Variants in POU6F2 observed in about 807,000 individuals in gnomAD.
POU6F2 encodes POU domain, class 6, transcription factor 2.
POU6F2 carries 31 observed loss-of-function variants against 71.3 expected under a neutral mutation model. The ratio of observed to expected loss-of-function variants is 0.43; its 90% CI spans 0.33 to 0.59. POU6F2 has a LOEUF of 0.59. Among genes scored for constraint, POU6F2 ranks in the 20% least tolerant of loss-of-function variants. The probability of loss-of-function intolerance (pLI) is 0.04; values close to 1 mark genes in which losing one functional copy is unlikely to be tolerated. For synonymous variants in POU6F2, 347 were observed against 355.7 expected, an observed-to-expected ratio of 0.98 and a Z score of 0.27; for missense variants, 783 against 856.8, an observed-to-expected ratio of 0.91 and a Z score of 1.07.
At chr7:39,116,717 C>T (rs905999941) in intron 2 of POU6F2, among the ~76,000 whole-genome samples, 1 of 152,074 alleles carries the variant, frequency 6.6e-6, no homozygotes, top group African/African-American at 2.4e-5. Flanking sequence ...AACCTTCTTC[C>T]TCTTCTCTAT....
intron 5 of POU6F2, among the ~76,000 whole-genome samples, chr7:39,354,732 A>T (rs1786217602): frequency 6.6e-6 from 1 of 152,370 alleles, no homozygotes; most frequent in South Asian, 2.1e-4. Flanking sequence ...TAGCCATTTC[A>T]TTAGGAATTC....
At chr7:39,412,310 C>G (rs1787566137) in intron 6 of POU6F2, among the ~76,000 whole-genome samples, 1 of 152,086 alleles carries the variant, frequency 6.6e-6, no homozygotes, top group Non-Finnish European at 1.5e-5. Flanking sequence ...CTGTGGGTTG[C>G]TAAAGTAATT....
chr7:39,009,689 T>C (rs1245282089), intron 1 of POU6F2, among the ~76,000 whole-genome samples: 9 of 152,154 alleles, frequency 5.9e-5, no homozygotes, highest in Non-Finnish European at 1.2e-4. Context: ...TATTTTGAAA[T>C]ACGTCCCATC....
At chr7:39,035,418 G>A (rs948416665) in intron 1 of POU6F2, among the ~76,000 whole-genome samples, 12 of 152,206 alleles carry the variant, frequency 7.9e-5, no homozygotes, top group African/African-American at 2.9e-4. Flanking sequence ...TTTTCTGTTT[G>A]GAGGAGAAGG....
chr7:39,107,340 C>T (rs1168869272), intron 2 of POU6F2, among the ~76,000 whole-genome samples: 1 of 152,066 alleles, frequency 6.6e-6, no homozygotes, highest in African/African-American at 2.4e-5. Context: ...CCACTGTGCC[C>T]ACCTTCTTAT....
chr7:39,418,968 T>TCAC (rs1787756764), intron 6 of POU6F2, among the ~76,000 whole-genome samples: 1 of 120,586 alleles, frequency 8.3e-6, no homozygotes, highest in Non-Finnish European at 1.7e-5. Context: ...TATATATGTG[T>TCAC]ATATATGTAT....
intron 2 of POU6F2, among the ~76,000 whole-genome samples, chr7:39,192,077 C>G (rs537323915): frequency 6.6e-6 from 1 of 152,160 alleles, no homozygotes; most frequent in African/African-American, 2.4e-5. Flanking sequence ...GTGAGTTGTG[C>G]GACATCTTTC....
intron 7 of POU6F2, among the ~76,000 whole-genome samples, chr7:39,442,462 C>T (rs900024139): frequency 6.6e-6 from 1 of 152,174 alleles, no homozygotes; most frequent in South Asian, 2.1e-4. Context: ...TCTTCTCACT[C>T]AAAATCTAAA....
chr7:39,447,695 AG>A (rs1554283686), intron 7 of POU6F2, among the ~76,000 whole-genome samples: 7 of 152,198 alleles, frequency 4.6e-5, no homozygotes, highest in Admixed American at 1.3e-4. Flanking sequence ...GAAGCATCTA[AG>A]TTTCCCTTTC....
chr7:39,043,030 C>A (rs554022981), intron 1 of POU6F2, among the ~76,000 whole-genome samples: 30 of 152,044 alleles, frequency 2.0e-4, no homozygotes, highest in African/African-American at 7.0e-4. Flanking sequence ...TGTGTATGTT[C>A]TCTGTAAGTT....
intron 1 of POU6F2, among the ~76,000 whole-genome samples, chr7:39,030,441 A>G (rs914771342): frequency 7.1e-6 from 1 of 140,328 alleles, no homozygotes; most frequent in African/African-American, 2.6e-5. Flanking sequence ...CTGATTATTT[A>G]TTAGCTTTTT....
chr7:39,317,936 CTCTT>C (rs532949859), intron 4 of POU6F2, among the ~76,000 whole-genome samples: 1 of 152,186 alleles, frequency 6.6e-6, no homozygotes, highest in Non-Finnish European at 1.5e-5. Flanking sequence ...TTACTAGTCA[CTCTT>C]TCACTGTGGT....
At chr7:39,115,435 A>G (rs1791909016) in intron 2 of POU6F2, among the ~76,000 whole-genome samples, 1 of 152,044 alleles carries the variant, frequency 6.6e-6, no homozygotes, top group South Asian at 2.1e-4. Flanking sequence ...AACAAGGTTG[A>G]CTTCTCTCAG....
chr7:39,458,957 GTC>G (rs758101047), intron 8 of POU6F2, among the ~76,000 whole-genome samples: 33 of 152,184 alleles, frequency 2.2e-4, no homozygotes, highest in Middle Eastern at 6.8e-3. Context: ...CCACTCTCCT[GTC>G]TCTGCACACC....
In POU6F2 at chr7:39,277,930, G is replaced by A. The variant is rs558787061; in HGVS notation, c.599-61712G>A. On this transcript the variant is annotated intron_variant, in intron 4 of 9. Coordinates refer to ENST00000518318, the MANE Select transcript of POU6F2 (RefSeq NM_001370959.1). ...AAATTACCTGGGTGTGGTGGCACGC[G>A]CCTGTAGTCCCAGCTACTTGGGAGG... Among the ~76,000 whole-genome samples the A allele has an allele frequency of 5.4e-4, 82 of 152,132 alleles. 1 individual carries two copies. The South Asian group carries it at 0.013, about 24-fold the overall frequency.
chr7:39,240,539 A>G (rs904534797), intron 4 of POU6F2, among the ~76,000 whole-genome samples: 1 of 152,094 alleles, frequency 6.6e-6, no homozygotes, highest in African/African-American at 2.4e-5. Flanking sequence ...GTTCCTACCA[A>G]TCAACTCAAA....
intron 4 of POU6F2, among the ~76,000 whole-genome samples, chr7:39,312,637 G>C (rs533552095): frequency 6.6e-6 from 1 of 152,312 alleles, no homozygotes; most frequent in East Asian, 1.9e-4. Context: ...TTCACTTCAA[G>C]TGAGCACTTC....
At chr7:39,394,217 T>C (rs567119236) in intron 5 of POU6F2, among the ~76,000 whole-genome samples, 1 of 152,240 alleles carries the variant, frequency 6.6e-6, no homozygotes, top group South Asian at 2.1e-4. Flanking sequence ...CATCTGTCTA[T>C]GTAGTTTTTT....
At chr7:39,239,024 G>A (rs1794727331) in intron 4 of POU6F2, among the ~76,000 whole-genome samples, 1 of 152,122 alleles carries the variant, frequency 6.6e-6, no homozygotes, top group South Asian at 2.1e-4. Flanking sequence ...GGCTGTTGAA[G>A]CATTCTATAC....
Sources: gnomAD v4.1 joint callset for allele counts (sites outside exome capture counted in the v4.1 genomes callset) on GRCh38, gnomAD v4.1.1 for gene constraint, MANE v1.5 for transcripts, NCBI Gene and HGNC (gene_info 2026-07-23, HGNC 2026-07-21) for gene names.